The following LSAMP variants were observed in gnomAD, a reference collection of about 807,000 sequenced individuals.
LSAMP encodes the protein limbic system-associated membrane protein.
A neutral mutation model predicts 38.6 loss-of-function variants in LSAMP; 7 were observed. The observed-to-expected ratio is 0.18, with a 90% CI of 0.10 to 0.34. The LOEUF (loss-of-function observed/expected upper bound fraction) is 0.34, where lower values mean the gene tolerates loss of function less well. Among genes scored for constraint, LSAMP ranks in the 10% least tolerant of loss-of-function variants. LSAMP has a pLI of 1.00. For missense variants in LSAMP, 313 were observed against 420.0 expected (o/e 0.75, Z 2.23); for synonymous variants, 154 against 166.8 (o/e 0.92, Z 0.59).
chr3:116,144,142 A>T (rs1709436293), intron 1 of LSAMP, among the ~76,000 whole-genome samples: 1 of 151,920 alleles, frequency 6.6e-6, no homozygotes. Flanking sequence ...CATTTTTTTT[A>T]AATGAACCAT....
At chr3:116,114,666 C>A (rs938716890) in intron 1 of LSAMP, among the ~76,000 whole-genome samples, 1 of 152,132 alleles carries the variant, frequency 6.6e-6, no homozygotes. Flanking sequence ...TTTTATAAAA[C>A]ACAGTAGTAT....
intron 6 of LSAMP, among the ~76,000 whole-genome samples, chr3:115,816,941 G>A (rs545964382): frequency 6.6e-6 from 1 of 152,324 alleles, no homozygotes; most frequent in Non-Finnish European, 1.5e-5. Context: ...AGTATGGAAT[G>A]TAAAGGTACT....
intron 3 of LSAMP, among the ~76,000 whole-genome samples, chr3:115,866,464 A>G (rs1935864326): frequency 6.6e-6 from 1 of 152,118 alleles, no homozygotes; most frequent in Non-Finnish European, 1.5e-5. Flanking sequence ...AATGTACGTT[A>G]CCTTTCTTGG....
chr3:116,300,574 T>A (rs1444029318), intron 1 of LSAMP, among the ~76,000 whole-genome samples: 1 of 152,156 alleles, frequency 6.6e-6, no homozygotes, highest in African/African-American at 2.4e-5. Context: ...CAGCATTAGA[T>A]CCTCATAGGA....
chr3:116,127,493 T>C (rs1391924640), intron 1 of LSAMP, among the ~76,000 whole-genome samples: 4 of 152,146 alleles, frequency 2.6e-5, no homozygotes, highest in African/African-American at 9.7e-5. Context: ...ATAAACACAT[T>C]TTCAAAATAA....
At chr3:115,894,252 T>A (rs1370651363) in intron 3 of LSAMP, among the ~76,000 whole-genome samples, 1 of 152,042 alleles carries the variant, frequency 6.6e-6, no homozygotes, top group East Asian at 1.9e-4. Flanking sequence ...TTTAACATTT[T>A]ACTCACCACT....
rs142212213 is a variant in LSAMP, at chr3:116,195,891, A to G, written c.156-109335T>C. Among the ~76,000 whole-genome samples the G allele has an allele frequency of 8.2e-3, 1,244 of 152,282 alleles. 17 individuals carry two copies. Among genetic ancestry groups the G allele is most frequent in the African/African-American group, 0.028 (1,164 of 41,542 alleles). ...GAATCTTTGGTGTGTTGGATCCAAG[A>G]ATCTATTTTTAAAATAAGCATACTT... is the stretch of plus-strand genomic sequence containing the variant. On this transcript the variant is annotated intron_variant, in intron 1 of 6. Coordinates refer to ENST00000490035, the MANE Select transcript of LSAMP (RefSeq NM_002338.5).
chr3:116,205,987 C>G (rs2046062025), intron 1 of LSAMP, among the ~76,000 whole-genome samples: 1 of 151,400 alleles, frequency 6.6e-6, no homozygotes. Flanking sequence ...GGTACCAGTT[C>G]CTCCTTGTAC....
At chr3:115,862,850 C>T (rs1576161113) in intron 3 of LSAMP, among the ~76,000 whole-genome samples, 1 of 152,188 alleles carries the variant, frequency 6.6e-6, no homozygotes, top group Admixed American at 6.5e-5. Context: ...TTCTGTAAAG[C>T]AGATGGATCA....
intron 2 of LSAMP, among the ~76,000 whole-genome samples, chr3:116,054,764 C>T (rs1334258346): frequency 6.6e-6 from 1 of 152,168 alleles, no homozygotes; most frequent in Non-Finnish European, 1.5e-5. Flanking sequence ...CTATCCTTGA[C>T]TGAAAAATTA....
intron 1 of LSAMP, among the ~76,000 whole-genome samples, chr3:116,350,598 G>C (rs1333779579): frequency 1.3e-5 from 2 of 150,590 alleles, no homozygotes; most frequent in African/African-American, 4.9e-5. Context: ...CAACTAACAT[G>C]GTATCACAGT....
At chr3:116,417,494 G>A (rs1352977335) in intron 1 of LSAMP, among the ~76,000 whole-genome samples, 1 of 152,200 alleles carries the variant, frequency 6.6e-6, no homozygotes, top group Non-Finnish European at 1.5e-5. Context: ...TTCAGGGGCT[G>A]TGTAATATTT....
At chr3:116,229,239 G>A (rs1005965290) in intron 1 of LSAMP, among the ~76,000 whole-genome samples, 2 of 152,016 alleles carry the variant, frequency 1.3e-5, no homozygotes, top group Non-Finnish European at 1.5e-5. Context: ...TACATCCTTT[G>A]AACATGATTT....
intron 3 of LSAMP, among the ~76,000 whole-genome samples, chr3:115,894,892 T>C (rs919413667): frequency 5.2e-4 from 79 of 152,158 alleles, no homozygotes; most frequent in African/African-American, 1.8e-3. Flanking sequence ...AGAAACACCA[T>C]GTTTTTAATC....
chr3:116,319,385 A>C (rs2047677268), intron 1 of LSAMP, among the ~76,000 whole-genome samples: 2 of 152,166 alleles, frequency 1.3e-5, no homozygotes. Context: ...TTGTATACAG[A>C]TAGTTACATG....
At chr3:116,218,075 G>A (rs990964112) in intron 1 of LSAMP, among the ~76,000 whole-genome samples, 4 of 152,110 alleles carry the variant, frequency 2.6e-5, no homozygotes, top group Non-Finnish European at 5.9e-5. Flanking sequence ...GTGGATCCGT[G>A]GTCTTGGTAC....
chr3:116,432,062 T>A (rs1026776377), intron 1 of LSAMP, among the ~76,000 whole-genome samples: 3 of 151,924 alleles, frequency 2.0e-5, no homozygotes, highest in Non-Finnish European at 2.9e-5. Context: ...CTTAGCACCT[T>A]GCATGATTAA....
intron 1 of LSAMP, among the ~76,000 whole-genome samples, chr3:116,333,673 G>C (rs1252955214): frequency 6.6e-6 from 1 of 151,624 alleles, no homozygotes; most frequent in Non-Finnish European, 1.5e-5. Context: ...ATAATCAATA[G>C]ATTGAGGAAG....
intron 1 of LSAMP, among the ~76,000 whole-genome samples, chr3:116,150,291 T>C (rs1004101878): frequency 6.6e-6 from 1 of 152,068 alleles, no homozygotes; most frequent in African/African-American, 2.4e-5. Context: ...GGAAGTTCTT[T>C]AGTCATGCAA....
Sources: gnomAD v4.1 joint callset for allele counts (sites outside exome capture counted in the v4.1 genomes callset) on GRCh38, gnomAD v4.1.1 for gene constraint, MANE v1.5 for transcripts, NCBI Gene and HGNC (gene_info 2026-07-23, HGNC 2026-07-21) for gene names.